FCRL6: variants seen among roughly 807,000 people sequenced by gnomAD.
FCRL6 encodes Fc receptor-like protein 6.
Under a neutral mutation model 49.1 loss-of-function variants are expected in FCRL6, and 50 were observed. The ratio of observed to expected loss-of-function variants is 1.02; its 90% CI spans 0.81 to 1.29. FCRL6 has a LOEUF of 1.29. FCRL6 is among the 50% of genes most tolerant of loss of function. FCRL6 has a pLI of 0.00. For synonymous variants in FCRL6, 213 were observed against 199.6 expected (o/e 1.07, Z -0.57); for missense variants, 571 against 518.5 (o/e 1.10, Z -0.98).
intron 2 of FCRL6, among the ~76,000 whole-genome samples, chr1:159,807,973 GAGA>G (rs767697478): frequency 6.6e-6 from 1 of 151,762 alleles, no homozygotes; most frequent in African/African-American, 2.4e-5. Context: ...AGAGGAAGGA[GAGA>G]AGAAGGAAAG....
chr1:159,810,082 C>T lies in FCRL6; in HGVS notation c.887-12C>T, dbSNP rs776336910. On this transcript the variant is annotated splice_polypyrimidine_tract_variant and intron_variant, in intron 5 of 9. Transcript: ENST00000368106. ...TCAGTGCTCATGGCCACCTTCTTCT[C>T]CCTGCTCCCAGGTTCTCAAGTCTTG... The T allele has an allele frequency of 8.1e-6, 13 of 1,608,214 alleles. No homozygotes were observed. The East Asian group carries it at 1.8e-4, about 22-fold the overall frequency.
At chr1:159,808,687 T>C (rs1009401510) in intron 3 of FCRL6, 4 of 616,316 alleles carry the variant, frequency 6.5e-6, no homozygotes, top group African/African-American at 3.7e-5. Flanking sequence ...GGGAAGACCC[T>C]GGACCAGTCC....
intron 7 of FCRL6, 92 bp downstream of exon 7, chr1:159,813,646 T>C: frequency 8.9e-7 from 1 of 1,119,330 alleles, no homozygotes; most frequent in Non-Finnish European, 1.4e-6. Context: ...GAGCCCTGTA[T>C]CTCAGGAATT....
chr1:159,806,453 C>G (rs12094789), intron 1 of FCRL6, 143 bp from the exon 2 acceptor site: 2 of 760,834 alleles, frequency 2.6e-6, no homozygotes, highest in Non-Finnish European at 4.8e-6. Context: ...GGTTGGATGG[C>G]TGTGTGGATG....
At position 159,811,230 on chromosome 1, in the gene FCRL6, C is replaced by T. The variant is rs140151830; in HGVS notation, c.1009+1014C>T. On this transcript the variant is annotated intron_variant, in intron 6 of 9. Coordinates refer to ENST00000368106, the MANE Select transcript of FCRL6 (RefSeq NM_001004310.3). ...ATTTATTCCAACTCTAACCTTTGCT[C>T]GCCTCAGGCCACACACATATAAGGA... Among the ~76,000 whole-genome samples the T allele has an allele frequency of 7.2e-5, 11 of 152,320 alleles. No individual in the cohort carries two copies. The East Asian group carries it at 1.5e-3, about 21-fold the overall frequency.
At chr1:159,802,227 A>C, upstream of FCRL6, 1 of 553,046 alleles carries the variant, frequency 1.8e-6, no homozygotes, top group Non-Finnish European at 3.3e-6. Context: ...TTCATGTAAT[A>C]CTTCTTCAAC....
In FCRL6 at chr1:159,802,456, G is replaced by T. The variant is rs774954899; in HGVS notation, c.31+1G>T. 9.3e-6 allele frequency: 15 copies of T among 1,613,086 alleles called. No homozygotes were observed. Among genetic ancestry groups the T allele is most frequent in the Non-Finnish European group, 1.2e-5 (14 of 1,179,368 alleles). On this transcript the variant is annotated splice_donor_variant, in intron 1 of 9. Transcript: ENST00000368106. LOFTEE classifies it high-confidence loss of function. ...CTCTGGACGGCTGTGCTGCTCTTTG[G>T]TAAGTCAACGAGCATGGGCATCCCC... is the stretch of plus-strand genomic sequence containing the variant.
Position 159,808,983 on chromosome 1 carries a change from GA to G in FCRL6, c.343del (p.Ser115ValfsTer14). ...CAGAGCTGTTTCCACCTCCTGTGCT[GA>G]GTGCCATCCCCTCTCCTGAGCCCCG... The part of the protein sequence containing the change: ...VQELFPPPVL[S>X]AIPSPEPREG... On this transcript the variant is annotated frameshift_variant, in exon 4 of 10. Transcript: ENST00000368106. LOFTEE classifies it high-confidence loss of function. The G allele has an allele frequency of 6.2e-7, 1 of 1,612,018 alleles. No individual in the cohort carries two copies. The highest frequency in any genetic ancestry group is 8.5e-7 in the Non-Finnish European group (1 of 1,178,854).
At chr1:159,801,541 G>A (rs1272204205), upstream of FCRL6, among the ~76,000 whole-genome samples, 1 of 152,132 alleles carries the variant, frequency 6.6e-6, no homozygotes, top group African/African-American at 2.4e-5. Context: ...GCATTTCCAC[G>A]GTGATTTATG....
At chr1:159,804,280 T>G (rs920825432) in intron 1 of FCRL6, among the ~76,000 whole-genome samples, 18 of 152,208 alleles carry the variant, frequency 1.2e-4, no homozygotes, top group African/African-American at 4.3e-4. Context: ...ATCCCTCTAG[T>G]TTCCATTTCT....
chr1:159,805,900 A>G (rs929429436), intron 1 of FCRL6, among the ~76,000 whole-genome samples: 1 of 152,258 alleles, frequency 6.6e-6, no homozygotes, highest in Non-Finnish European at 1.5e-5. Context: ...TGTTGGAGGT[A>G]GGACCCTCAG....
chr1:159,804,334 C>T (rs1662538014), intron 1 of FCRL6, among the ~76,000 whole-genome samples: 1 of 152,202 alleles, frequency 6.6e-6, no homozygotes, highest in African/African-American at 2.4e-5. Flanking sequence ...TTCTTTTAAG[C>T]TTAGCCCACC....
In FCRL6 at chr1:159,815,755, AG is replaced by A. The variant is rs1663371236; in HGVS notation, c.*95del. ...CCTCAACTCTTTCTGTGGGTCCTTC[AG>A]TTCCCAAGCCCAGCATCACAGAGCC... On this transcript the variant is annotated 3_prime_UTR_variant, in exon 10 of 10. Transcript: ENST00000368106. 6 of 1,499,986 alleles carry A rather than the reference AG, an allele frequency of 4.0e-6. No homozygotes were observed. The highest frequency in any genetic ancestry group is 4.2e-4 in the Middle Eastern group (2 of 4,722). The allele number at this position is 1,499,986 out of a possible 1,614,324, so 92.9% of individuals were successfully genotyped here. A position where few individuals can be genotyped will look rare whatever the true frequency, so the allele number is the denominator to read the frequency against.
At position 159,807,520 on chromosome 1, in the gene FCRL6, T is replaced by C. The variant is rs373889298; in HGVS notation, c.53-658T>C. On this transcript the variant is annotated intron_variant, in intron 2 of 9. Coordinates refer to ENST00000368106, the MANE Select transcript of FCRL6 (RefSeq NM_001004310.3). ...CAGTGCACAGAATACATTTTAGGAA[T>C]AGAGACAGAGAGAACAGATCCCTTC... is the stretch of plus-strand genomic sequence containing the variant. Among the ~76,000 whole-genome samples, 36 of 152,256 alleles carry C rather than the reference T, an allele frequency of 2.4e-4. No individual in the cohort carries two copies. In the East Asian group the frequency reaches 6.2e-3, roughly 26 times the overall value.
chr1:159,805,988 C>T (rs768162702), intron 1 of FCRL6, among the ~76,000 whole-genome samples: 10 of 152,168 alleles, frequency 6.6e-5, no homozygotes, highest in Non-Finnish European at 1.3e-4. Flanking sequence ...CAAAGGAAAA[C>T]ATTCATGCAT....
intron 1 of FCRL6, among the ~76,000 whole-genome samples, chr1:159,803,178 A>G (rs1042461141): frequency 3.9e-5 from 6 of 152,166 alleles, no homozygotes; most frequent in Admixed American, 3.9e-4. Context: ...TGTAACTAAG[A>G]GAGCTGGTCT....
At chr1:159,808,809 G>C in intron 3 of FCRL6, 152 bp from the exon 4 acceptor site, 1 of 739,918 alleles carries the variant, frequency 1.4e-6, no homozygotes, top group Non-Finnish European at 2.1e-6. Flanking sequence ...GAGTTTGTGG[G>C]TGAGGGTAAG....
At chr1:159,813,381 C>T in intron 6 of FCRL6, 108 bp from the exon 7 acceptor site, 4 of 962,508 alleles carry the variant, frequency 4.2e-6, no homozygotes, top group Non-Finnish European at 6.7e-6. Context: ...CCAAACCAGC[C>T]TCAAACCTCC....
intron 1 of FCRL6, among the ~76,000 whole-genome samples, chr1:159,805,889 A>G (rs1476963483): frequency 1.3e-5 from 2 of 152,188 alleles, no homozygotes; most frequent in African/African-American, 4.8e-5. Context: ...TCTCCTGTAG[A>G]TGTTGGAGGT....
Sources: gnomAD v4.1 joint callset for allele counts (sites outside exome capture counted in the v4.1 genomes callset) on GRCh38, gnomAD v4.1.1 for gene constraint, MANE v1.5 for transcripts, NCBI Gene and HGNC (gene_info 2026-07-23, HGNC 2026-07-21) for gene names.